The following ARL13B variants were observed in gnomAD, a reference collection of about 807,000 sequenced individuals.
The protein encoded by ARL13B is ARF like GTPase 13B.
Under a neutral mutation model 56.1 loss-of-function variants are expected in ARL13B, and 36 were observed. The observed-to-expected ratio is 0.64, with a 90% CI of 0.49 to 0.85. ARL13B has a LOEUF of 0.85. Among genes scored for constraint, ARL13B ranks in the 40% least tolerant of loss-of-function variants. The pLI is 0.00. For missense variants in ARL13B, 519 were observed against 507.1 expected (o/e 1.02, Z -0.23); for synonymous variants, 178 against 171.1 (o/e 1.04, Z -0.32).
intron 2 of ARL13B, among the ~76,000 whole-genome samples, chr3:93,998,915 T>G (rs2076009091): frequency 6.6e-6 from 1 of 151,064 alleles, no homozygotes; most frequent in African/African-American, 2.4e-5. Flanking sequence ...TTTTCTGACT[T>G]CTCAGCCTTC....
chr3:94,029,259 A>G (rs898538350), intron 3 of ARL13B, among the ~76,000 whole-genome samples: 5 of 137,700 alleles, frequency 3.6e-5, no homozygotes, highest in Admixed American at 7.7e-5. Flanking sequence ...ACTTGTTACT[A>G]TTTGAGGGCA....
At chr3:93,989,437 T>A (rs1312383068) in intron 1 of ARL13B, among the ~76,000 whole-genome samples, 1 of 151,910 alleles carries the variant, frequency 6.6e-6, no homozygotes, top group Non-Finnish European at 1.5e-5. Flanking sequence ...GCTGAAGGAG[T>A]ACTCGGCATG....
At chr3:93,995,502 G>C (rs2075951542) in intron 1 of ARL13B, among the ~76,000 whole-genome samples, 1 of 152,008 alleles carries the variant, frequency 6.6e-6, no homozygotes, top group Admixed American at 6.6e-5. Flanking sequence ...TAAACAGATT[G>C]GTGATATTTG....
At chr3:94,008,689 G>A (rs1260074408) in intron 3 of ARL13B, among the ~76,000 whole-genome samples, 3 of 152,082 alleles carry the variant, frequency 2.0e-5, no homozygotes, top group African/African-American at 7.2e-5. Flanking sequence ...TGGCCTCAGA[G>A]AGATAATAAA....
intron 1 of ARL13B, chr3:93,988,736 T>C: frequency 2.2e-6 from 1 of 449,278 alleles, no homozygotes; most frequent in Non-Finnish European, 4.4e-6. Context: ...GTTTCTTGGT[T>C]AGCCACTTTG....
intron 3 of ARL13B, among the ~76,000 whole-genome samples, chr3:94,019,712 A>G (rs1204168238): frequency 1.3e-5 from 2 of 152,172 alleles, no homozygotes; most frequent in Non-Finnish European, 2.9e-5. Flanking sequence ...ACTAGAGCCT[A>G]CAAAGCTCCA....
At chr3:94,017,748 G>A (rs944430173) in intron 3 of ARL13B, among the ~76,000 whole-genome samples, 8 of 152,294 alleles carry the variant, frequency 5.3e-5, no homozygotes, top group Non-Finnish European at 1.0e-4. Flanking sequence ...GAGACTGAAT[G>A]TTGAGAAGCC....
intron 8 of ARL13B, 138 bp from the exon 9 acceptor site, chr3:94,050,686 G>C (rs549820831): frequency 2.9e-6 from 2 of 701,584 alleles, no homozygotes; most frequent in East Asian, 5.5e-5. Flanking sequence ...TGGGTTTCTG[G>C]CTTTCCATAC....
intron 2 of ARL13B, among the ~76,000 whole-genome samples, chr3:93,997,349 A>G (rs936146775): frequency 2.6e-5 from 4 of 152,194 alleles, no homozygotes; most frequent in Admixed American, 2.6e-4. Flanking sequence ...CTGGAAACTG[A>G]TGATTGCAGT....
rs568959928 is a variant in ARL13B at position 94,047,839 on chromosome 3, T to A, written c.1025-1567T>A. On this transcript the variant is annotated intron_variant, in intron 7 of 9. Coordinates refer to ENST00000394222, the MANE Select transcript of ARL13B (RefSeq NM_001174150.2). ...CCACTTTAATTGTACAAAGACCTAT[T>A]TGTTTTTATATGAAGTGAAATGTTT... 2.0e-5 allele frequency: 3 copies of A among 152,336 alleles called. No individual in the cohort carries two copies. In the South Asian group the frequency reaches 6.2e-4, roughly 32 times the overall value. The allele number at this position is 152,336 out of a possible 1,614,324, so 9.4% of individuals were successfully genotyped here.
rs571764907 is a variant in ARL13B at position 94,055,581 on chromosome 3, G to A, written c.*2318G>A. On this transcript the variant is annotated 3_prime_UTR_variant, in exon 10 of 10. Transcript: ENST00000394222. ...GATATGTTTTTATGTATTTAAAAGA[G>A]GCTCTTGTGTGCCTTTATGTGTAAA... 2.4e-4 allele frequency: 109 copies of A among 453,720 alleles called. No individual in the cohort carries two copies. Among genetic ancestry groups the A allele is most frequent in the Non-Finnish European group, 4.3e-4 (97 of 226,672 alleles). The allele number at this position is 453,720 out of a possible 1,614,324, so 28.1% of individuals were successfully genotyped here.
chr3:94,051,596 C>A (rs1444982489), intron 9 of ARL13B, among the ~76,000 whole-genome samples: 4 of 151,998 alleles, frequency 2.6e-5, no homozygotes, highest in African/African-American at 9.7e-5. Context: ...CAGTCTAGGT[C>A]CCTTCAGTAA....
intron 2 of ARL13B, among the ~76,000 whole-genome samples, chr3:94,000,343 C>T (rs961968177): frequency 2.0e-5 from 3 of 152,030 alleles, no homozygotes; most frequent in East Asian, 1.9e-4. Flanking sequence ...CCCTTGCTGC[C>T]GTAGTAGTTG....
intron 1 of ARL13B, among the ~76,000 whole-genome samples, chr3:93,994,199 C>G (rs1343951605): frequency 1.3e-5 from 2 of 152,188 alleles, no homozygotes; most frequent in Non-Finnish European, 2.9e-5. Flanking sequence ...TCCTTTCTCA[C>G]TTGGTTTCAT....
Position 93,990,390 on chromosome 3 carries a change from C to CAT in ARL13B, c.60-5472_60-5471dup, listed in dbSNP as rs529958064. On this transcript the variant is annotated intron_variant, in intron 1 of 9. Coordinates refer to ENST00000394222, the MANE Select transcript of ARL13B (RefSeq NM_001174150.2). ...TTTTTTTTTGATTTTGGAATATTTG[C>CAT]ATATATATATATAGTGAAGTATCTT... 5.1e-4 allele frequency among the ~76,000 whole-genome samples: 77 copies of CAT among 151,108 alleles called. 1 individual carries two copies. The highest frequency in any genetic ancestry group is 4.3e-3 in the East Asian group (22 of 5,172).
At chr3:94,033,470 G>A (rs1240597320) in intron 3 of ARL13B, among the ~76,000 whole-genome samples, 2 of 151,940 alleles carry the variant, frequency 1.3e-5, no homozygotes, top group Non-Finnish European at 2.9e-5. Flanking sequence ...AAAGGCAAAG[G>A]ATCAAACATT....
intron 3 of ARL13B, among the ~76,000 whole-genome samples, chr3:94,034,985 C>T (rs982898424): frequency 2.0e-5 from 3 of 152,052 alleles, no homozygotes; most frequent in Non-Finnish European, 4.4e-5. Flanking sequence ...TCTGTAATCC[C>T]AGCACTTTGA....
intron 6 of ARL13B, among the ~76,000 whole-genome samples, chr3:94,040,270 TC>T (rs1362524620): frequency 6.6e-6 from 1 of 152,188 alleles, no homozygotes; most frequent in Non-Finnish European, 1.5e-5. Context: ...TGTTGACAAA[TC>T]TATTCTGTCA....
chr3:94,038,439 AC>A (rs1322716522), intron 5 of ARL13B, among the ~76,000 whole-genome samples: 1 of 150,468 alleles, frequency 6.6e-6, no homozygotes, highest in Non-Finnish European at 1.5e-5. Flanking sequence ...ACATTGCTAT[AC>A]CATACTTACA....
Sources: gnomAD v4.1 joint callset for allele counts (sites outside exome capture counted in the v4.1 genomes callset) on GRCh38, gnomAD v4.1.1 for gene constraint, MANE v1.5 for transcripts, NCBI Gene and HGNC (gene_info 2026-07-23, HGNC 2026-07-21) for gene names.